The following MSRA variants were observed in gnomAD, a reference collection of about 807,000 sequenced individuals.
MSRA encodes methionine sulfoxide reductase A, also known as mitochondrial peptide methionine sulfoxide reductase.
In MSRA, 54 loss-of-function variants were observed where a neutral mutation model predicts 31.3. That is an observed-to-expected ratio of 1.73 (90% confidence interval 1.39 to 2.17). The LOEUF (loss-of-function observed/expected upper bound fraction) is 2.17. Ranked by LOEUF, MSRA falls within the 30% of genes most tolerant of loss-of-function variation. The probability of loss-of-function intolerance (pLI) is 0.00; values close to 1 mark genes in which losing one functional copy is unlikely to be tolerated. For missense variants in MSRA, 507 were observed against 300.9 expected (o/e 1.69, Z -5.07); for synonymous variants, 169 against 116.5 (o/e 1.45, Z -2.90).
chr8:10,355,363 A>T (rs1234491815), intron 5 of MSRA, among the ~76,000 whole-genome samples: 1 of 152,250 alleles, frequency 6.6e-6, no homozygotes, highest in African/African-American at 2.4e-5. Flanking sequence ...GATAGATATG[A>T]CATTTGCCGA....
chr8:10,072,876 G>T (rs1489329225), intron 1 of MSRA, among the ~76,000 whole-genome samples: 4 of 152,060 alleles, frequency 2.6e-5, no homozygotes. Flanking sequence ...AAATGATATG[G>T]TATCTTTAAT....
intron 1 of MSRA, among the ~76,000 whole-genome samples, chr8:10,102,822 G>A (rs1799625931): frequency 6.6e-6 from 1 of 152,146 alleles, no homozygotes; most frequent in East Asian, 1.9e-4. Flanking sequence ...ATTATTGGTA[G>A]GTGAGGGTGA....
chr8:10,128,776 G>T (rs1472042434), intron 1 of MSRA, among the ~76,000 whole-genome samples: 1 of 152,160 alleles, frequency 6.6e-6, no homozygotes, highest in Non-Finnish European at 1.5e-5. Context: ...TTCATCAGAG[G>T]TACTCTTCAT....
chr8:10,233,625 A>T (rs1357295979), intron 2 of MSRA, among the ~76,000 whole-genome samples: 1 of 152,248 alleles, frequency 6.6e-6, no homozygotes. Flanking sequence ...AATAGTTCTG[A>T]TGCACATAGA....
chr8:10,158,997 A>G (rs1181703684), intron 1 of MSRA, among the ~76,000 whole-genome samples: 7 of 152,192 alleles, frequency 4.6e-5, no homozygotes, highest in Admixed American at 3.3e-4. Context: ...TTAGGGATGA[A>G]ATGGCATGAT....
chr8:10,339,321 G>A (rs1264835511), intron 5 of MSRA, among the ~76,000 whole-genome samples: 3 of 152,088 alleles, frequency 2.0e-5, no homozygotes, highest in Non-Finnish European at 4.4e-5. Flanking sequence ...TTCTTCAGAA[G>A]GCAACTCATG....
intron 1 of MSRA, among the ~76,000 whole-genome samples, chr8:10,075,952 C>T (rs1251810240): frequency 6.6e-6 from 1 of 152,142 alleles, no homozygotes; most frequent in Non-Finnish European, 1.5e-5. Context: ...CCTTTCATGA[C>T]CATACGTCGA....
At chr8:10,148,830 CA>C (rs111353661) in intron 1 of MSRA, among the ~76,000 whole-genome samples, 119,735 of 134,570 alleles carry the variant, frequency 0.89, 53,192 homozygotes, top group Middle Eastern at 0.93. Flanking sequence ...AACTCTGTCT[CA>C]AAAAAAAAAA....
Position 10,251,861 on chromosome 8 carries a change from T to TGGG in MSRA, c.331+6648_331+6650dup, listed in dbSNP as rs386412047. On this transcript the variant is annotated intron_variant, in intron 3 of 5. Transcript: ENST00000317173. ...GCACCCCTCTGAAGGGTTGACATGGTGGGGGGGGGGGGACATAGGTCATGG... is the reference window on the plus strand; with the variant it reads ...GCACCCCTCTGAAGGGTTGACATGGTGGGGGGGGGGGGGGGACATAGGTCATGG... Among the ~76,000 whole-genome samples the TGGG allele has an allele frequency of 6.2e-4, 87 of 140,038 alleles. 1 individual carries two copies. The highest frequency in any genetic ancestry group is 2.2e-3 in the African/African-American group (81 of 37,092). 91.9% of individuals were successfully genotyped at this position (140,038 alleles called of 152,430 possible).
intron 3 of MSRA, among the ~76,000 whole-genome samples, chr8:10,283,828 T>TAC (rs1289199754): frequency 1.2e-3 from 80 of 68,552 alleles, no homozygotes; most frequent in African/African-American, 3.9e-3. Flanking sequence ...TATATATATA[T>TAC]ATATATATAC....
chr8:10,272,035 T>A (rs1017443133), intron 3 of MSRA, among the ~76,000 whole-genome samples: 4 of 152,180 alleles, frequency 2.6e-5, no homozygotes, highest in Non-Finnish European at 4.4e-5. Context: ...AATCCTCCAA[T>A]TTAGCCCCTT....
intron 5 of MSRA, among the ~76,000 whole-genome samples, chr8:10,321,535 T>C (rs1318078951): frequency 6.6e-6 from 1 of 152,166 alleles, no homozygotes; most frequent in Non-Finnish European, 1.5e-5. Context: ...GCCTGTGGGA[T>C]GGCCCCCAGT....
chr8:10,100,592 G>A (rs1799469147), intron 1 of MSRA, among the ~76,000 whole-genome samples: 1 of 152,118 alleles, frequency 6.6e-6, no homozygotes, highest in Admixed American at 6.5e-5. Flanking sequence ...TGAGTAAGTA[G>A]AAATTTAGAT....
intron 5 of MSRA, among the ~76,000 whole-genome samples, chr8:10,406,128 C>T (rs910754732): frequency 2.6e-5 from 4 of 152,230 alleles, no homozygotes; most frequent in Non-Finnish European, 4.4e-5. Flanking sequence ...CGTGACTCTC[C>T]CTGTATCCGA....
At chr8:10,140,250 C>T (rs371667300) in intron 1 of MSRA, among the ~76,000 whole-genome samples, 8 of 152,120 alleles carry the variant, frequency 5.3e-5, no homozygotes, top group African/African-American at 1.9e-4. Flanking sequence ...TTCCTTCCTC[C>T]AGTTACAGGG....
intron 5 of MSRA, among the ~76,000 whole-genome samples, chr8:10,351,021 C>G (rs1804099446): frequency 1.3e-5 from 2 of 152,216 alleles, no homozygotes; most frequent in African/African-American, 4.8e-5. Flanking sequence ...GCAGCTGCTC[C>G]CCCAGAATTG....
intron 4 of MSRA, among the ~76,000 whole-genome samples, chr8:10,302,906 G>C (rs1563328421): frequency 6.6e-6 from 1 of 152,204 alleles, no homozygotes; most frequent in Non-Finnish European, 1.5e-5. Context: ...TGTCACCCTA[G>C]CTTGGGATAT....
In MSRA at chr8:10,074,058, C is replaced by CTTTTTTTTTTTTTTTTT. The variant is rs534642712; in HGVS notation, c.142+19424_142+19440dup. 5.1e-4 allele frequency among the ~76,000 whole-genome samples: 15 copies of CTTTTTTTTTTTTTTTTT among 29,454 alleles called. 1 individual carries two copies. The highest frequency in any genetic ancestry group is 6.7e-4 in the Non-Finnish European group (11 of 16,368). The allele number at this position is 29,454 out of a possible 152,430, so 19.3% of individuals were successfully genotyped here. A position where few individuals can be genotyped will look rare whatever the true frequency, so the allele number is the denominator to read the frequency against. On this transcript the variant is annotated intron_variant, in intron 1 of 5. Transcript: ENST00000317173. ...CATTTTGTTTTGTCTAAGGGAGGTG[C>CTTTTTTTTTTTTTTTTT]TTTTTTTTTTTTTTTTTTTTTTTTT... is the stretch of plus-strand genomic sequence containing the variant.
intron 1 of MSRA, among the ~76,000 whole-genome samples, chr8:10,077,118 A>G (rs1348608225): frequency 6.6e-6 from 1 of 152,120 alleles, no homozygotes; most frequent in Non-Finnish European, 1.5e-5. Flanking sequence ...GAAAAGCAAA[A>G]AGAGTACTCA....
Sources: allele counts gnomAD v4.1 joint callset (sites outside exome capture counted in the v4.1 genomes callset), GRCh38; gene constraint gnomAD v4.1.1; transcripts MANE v1.5; gene names NCBI Gene and HGNC (gene_info 2026-07-23, HGNC 2026-07-21).